DAP: variants seen among roughly 807,000 people sequenced by gnomAD.
DAP encodes death associated protein.
Under a neutral mutation model 13.8 loss-of-function variants are expected in DAP, and 8 were observed. The observed-to-expected ratio is 0.58, with a 90% confidence interval of 0.34 to 1.05. The LOEUF (loss-of-function observed/expected upper bound fraction) is 1.05. DAP is among the 50% of genes least tolerant of loss of function. The pLI is 0.03. For synonymous variants in DAP, 47 were observed against 47.5 expected (o/e 0.99, Z 0.04); for missense variants, 106 against 133.2 (o/e 0.80, Z 1.01).
intron 2 of DAP, among the ~76,000 whole-genome samples, chr5:10,730,360 C>T (rs1331338116): frequency 6.6e-6 from 1 of 152,194 alleles, no homozygotes; most frequent in Non-Finnish European, 1.5e-5. Flanking sequence ...TATGAGGACA[C>T]GAAACCCTGT....
At chr5:10,691,378 T>A (rs555794783) in intron 2 of DAP, among the ~76,000 whole-genome samples, 1 of 152,356 alleles carries the variant, frequency 6.6e-6, no homozygotes, top group African/African-American at 2.4e-5. Context: ...GGCAAATAAT[T>A]ATTTATGACG....
At chr5:10,701,884 G>A (rs190108303) in intron 2 of DAP, among the ~76,000 whole-genome samples, 12 of 152,234 alleles carry the variant, frequency 7.9e-5, no homozygotes, top group East Asian at 1.9e-4. Context: ...CAACTTTTCC[G>A]GGACACTTAA....
At chr5:10,751,951 A>G (rs1368030342) in intron 1 of DAP, among the ~76,000 whole-genome samples, 1 of 152,266 alleles carries the variant, frequency 6.6e-6, no homozygotes, top group Non-Finnish European at 1.5e-5. Context: ...CCAACAATAC[A>G]GATGCCCATT....
intron 2 of DAP, among the ~76,000 whole-genome samples, chr5:10,746,772 C>G (rs946398956): frequency 1.3e-5 from 2 of 152,334 alleles, no homozygotes; most frequent in South Asian, 2.1e-4. Flanking sequence ...TCTTCCCTCA[C>G]GTGGCCGCTC....
In DAP at chr5:10,761,020, G is replaced by A; in HGVS notation, c.49C>T (p.Pro17Ser). Reference protein sequence around the residue: ...GKLETKAGHPPAVKAGGMRIV... With the variant: ...GKLETKAGHPSAVKAGGMRIV... Reference sequence around the variant, plus strand: ...AGAGGAAAAGAGTCAGTACCGGCGGGCGGGTGTCCAGCTTTAGTCTCTAGT... The same window carrying A: ...AGAGGAAAAGAGTCAGTACCGGCGGACGGGTGTCCAGCTTTAGTCTCTAGT... Residue 17 changes from proline to serine, a missense_variant, in exon 1 of 4, where the codon CCC (proline) becomes TCC (serine). Coordinates refer to ENST00000230895, the MANE Select transcript of DAP (RefSeq NM_004394.3). 5 of 1,215,652 alleles carry A rather than the reference G, an allele frequency of 4.1e-6. No individual in the cohort carries two copies. The highest frequency in any genetic ancestry group is 7.0e-5 in the South Asian group (2 of 28,722). 75.3% of individuals were successfully genotyped at this position (1,215,652 alleles called of 1,614,324 possible).
At chr5:10,685,091 C>T (rs978251702) in intron 2 of DAP, among the ~76,000 whole-genome samples, 9 of 152,162 alleles carry the variant, frequency 5.9e-5, no homozygotes, top group African/African-American at 1.4e-4. Context: ...CCCAGCATTC[C>T]GAAAGTTCAC....
At chr5:10,711,829 G>C (rs1356175671) in intron 2 of DAP, among the ~76,000 whole-genome samples, 1 of 152,218 alleles carries the variant, frequency 6.6e-6, no homozygotes, top group Non-Finnish European at 1.5e-5. Context: ...CATGTGTCTA[G>C]CATTTGCAAG....
In DAP at chr5:10,685,927, C is replaced by CAT. The variant is rs1738144914; in HGVS notation, c.153-2357_153-2356insAT. Among the ~76,000 whole-genome samples the CAT allele has an allele frequency of 2.0e-5, 3 of 152,066 alleles. No individual in the cohort carries two copies. In the South Asian group the frequency reaches 6.2e-4, roughly 32 times the overall value. On this transcript the variant is annotated intron_variant, in intron 2 of 3. Coordinates refer to ENST00000230895, the MANE Select transcript of DAP (RefSeq NM_004394.3). ...ATATAAACACCCTCCCCTCTACAGA[C>CAT]ACACACACACACAAACAAACACCTT... is the stretch of plus-strand genomic sequence containing the variant.
chr5:10,696,481 T>C (rs550986579), intron 2 of DAP, among the ~76,000 whole-genome samples: 1 of 152,300 alleles, frequency 6.6e-6, no homozygotes, highest in South Asian at 2.1e-4. Flanking sequence ...TAGATGGTTC[T>C]GGGGTTGAAT....
At chr5:10,752,863 G>A (rs181474299) in intron 1 of DAP, among the ~76,000 whole-genome samples, 2 of 152,338 alleles carry the variant, frequency 1.3e-5, no homozygotes, top group Non-Finnish European at 2.9e-5. Context: ...CTGGCACACA[G>A]GATGTGCTCA....
chr5:10,717,975 A>G (rs1739036023), intron 2 of DAP, among the ~76,000 whole-genome samples: 1 of 152,184 alleles, frequency 6.6e-6, no homozygotes, highest in Admixed American at 6.5e-5. Flanking sequence ...TCCAGACTTG[A>G]GTCAGTTTAC....
chr5:10,728,048 C>T (rs1487430016), intron 2 of DAP, among the ~76,000 whole-genome samples: 1 of 146,934 alleles, frequency 6.8e-6, no homozygotes, highest in African/African-American at 2.5e-5. Flanking sequence ...AGTTGGGTGA[C>T]TCTGCCGTGG....
At chr5:10,726,052 G>C (rs1350986947) in intron 2 of DAP, among the ~76,000 whole-genome samples, 1 of 152,170 alleles carries the variant, frequency 6.6e-6, no homozygotes, top group East Asian at 1.9e-4. Flanking sequence ...CATTCCCCAA[G>C]GACCGATTAA....
chr5:10,720,515 G>C (rs775188726), intron 2 of DAP, among the ~76,000 whole-genome samples: 1 of 152,230 alleles, frequency 6.6e-6, no homozygotes, highest in African/African-American at 2.4e-5. Context: ...AAGTGGATGC[G>C]ATGACCCGTT....
In DAP at chr5:10,688,393, TAA is replaced by T. The variant is rs561900685; in HGVS notation, c.153-4824_153-4823del. On this transcript the variant is annotated intron_variant, in intron 2 of 3. Transcript: ENST00000230895. Reference sequence around the variant, plus strand: ...TTTTTAAATTTTTAAAATTTTAAATTAAGTTATGCATTGTTTTTTAGACGTAA... The same window carrying T: ...TTTTTAAATTTTTAAAATTTTAAATTGTTATGCATTGTTTTTTAGACGTAA... Among the ~76,000 whole-genome samples, 460 of 152,256 alleles carry T rather than the reference TAA, an allele frequency of 3.0e-3. 4 individuals carry two copies. Among genetic ancestry groups the T allele is most frequent in the Middle Eastern group, 6.8e-3 (2 of 294 alleles).
chr5:10,706,917 C>T (rs1465339312), intron 2 of DAP, among the ~76,000 whole-genome samples: 2 of 152,198 alleles, frequency 1.3e-5, no homozygotes, highest in Non-Finnish European at 2.9e-5. Context: ...ACAACACGAA[C>T]ATCCTGTGTC....
chr5:10,743,783 G>T (rs1253406235), intron 2 of DAP, among the ~76,000 whole-genome samples: 2 of 152,166 alleles, frequency 1.3e-5, no homozygotes, highest in African/African-American at 2.4e-5. Context: ...AGCCACGCAG[G>T]AAAGTATTAG....
At chr5:10,706,802 C>T (rs1451589478) in intron 2 of DAP, among the ~76,000 whole-genome samples, 3 of 152,180 alleles carry the variant, frequency 2.0e-5, no homozygotes, top group African/African-American at 7.2e-5. Flanking sequence ...TGCACCTGAT[C>T]CTATGCTGTA....
intron 2 of DAP, among the ~76,000 whole-genome samples, chr5:10,747,426 T>G (rs1739933093): frequency 6.6e-6 from 1 of 152,130 alleles, no homozygotes; most frequent in African/African-American, 2.4e-5. Flanking sequence ...AGGTATCATA[T>G]AAGGACACCC....
Sources: gnomAD v4.1 joint callset for allele counts (sites outside exome capture counted in the v4.1 genomes callset) on GRCh38, gnomAD v4.1.1 for gene constraint, MANE v1.5 for transcripts, NCBI Gene and HGNC (gene_info 2026-07-23, HGNC 2026-07-21) for gene names.